Variants in NRXN1 observed in about 807,000 individuals in gnomAD.
NRXN1 encodes the protein neurexin-1.
A neutral mutation model predicts 150.9 loss-of-function variants in NRXN1; 39 were observed. That is an observed-to-expected ratio of 0.26 (90% CI 0.20 to 0.34). The LOEUF (loss-of-function observed/expected upper bound fraction) is 0.34, where lower values mean the gene tolerates loss of function less well. Among genes scored for constraint, NRXN1 ranks in the 10% least tolerant of loss-of-function variants. The probability of loss-of-function intolerance (pLI) is 1.00; values close to 1 mark genes in which losing one functional copy is unlikely to be tolerated. For missense variants in NRXN1, 1,815 were observed against 1,949.9 expected, an observed-to-expected ratio of 0.93 and a Z score of 1.30; for synonymous variants, 924 against 757.0, an observed-to-expected ratio of 1.22 and a Z score of -3.62.
chr2:50,737,167 C>A (rs1481800537), intron 5 of NRXN1, among the ~76,000 whole-genome samples: 2 of 151,754 alleles, frequency 1.3e-5, no homozygotes, highest in Non-Finnish European at 2.9e-5. Flanking sequence ...GCTGAGGCAG[C>A]CTGGACAACA....
At chr2:50,893,823 A>T (rs901744620) in intron 5 of NRXN1, among the ~76,000 whole-genome samples, 2 of 152,124 alleles carry the variant, frequency 1.3e-5, no homozygotes, top group Non-Finnish European at 2.9e-5. Flanking sequence ...TCATTGTTCA[A>T]TTTCCACCTA....
intron 17 of NRXN1, among the ~76,000 whole-genome samples, chr2:50,330,593 A>G (rs1460684386): frequency 2.6e-5 from 4 of 152,202 alleles, no homozygotes; most frequent in Non-Finnish European, 5.9e-5. Flanking sequence ...AGTATAAATT[A>G]AGCAAGGAAC....
At position 50,055,052 on chromosome 2, in the gene NRXN1, G is replaced by A; in HGVS notation, c.3719-8C>T. 1 of 1,571,942 alleles carries A rather than the reference G, an allele frequency of 6.4e-7. No individual in the cohort carries two copies. The highest frequency in any genetic ancestry group is 1.7e-4 in the Middle Eastern group (1 of 5,970). On this transcript the variant is annotated splice_region_variant and splice_polypyrimidine_tract_variant and intron_variant, in intron 19 of 22. Coordinates refer to ENST00000401669, the MANE Select transcript of NRXN1 (RefSeq NM_001330078.2). ...GCTCGTTATCATTGTTTCCTTTAAA[G>A]TTTAAAGAGACATTTCATTGGTTAA...
intron 5 of NRXN1, among the ~76,000 whole-genome samples, chr2:50,652,061 C>A (rs1685718343): frequency 6.6e-6 from 1 of 151,978 alleles, no homozygotes. Flanking sequence ...CAGCTTCTTC[C>A]CTGGTAAAAC....
At chr2:50,754,240 T>A (rs1162405584) in intron 5 of NRXN1, among the ~76,000 whole-genome samples, 1 of 151,904 alleles carries the variant, frequency 6.6e-6, no homozygotes, top group East Asian at 1.9e-4. Flanking sequence ...TTGATCTCAC[T>A]TATAAATGAT....
chr2:50,977,873 C>T (rs1696111847), intron 2 of NRXN1, among the ~76,000 whole-genome samples: 1 of 151,760 alleles, frequency 6.6e-6, no homozygotes, highest in Non-Finnish European at 1.5e-5. Flanking sequence ...AGAAATAGGG[C>T]ATTGCATCTA....
At chr2:50,679,958 C>T (rs765671796) in intron 5 of NRXN1, among the ~76,000 whole-genome samples, 10 of 151,904 alleles carry the variant, frequency 6.6e-5, no homozygotes, top group Non-Finnish European at 1.3e-4. Context: ...CATGGCAAAA[C>T]CTCGTCTCTA....
At chr2:50,908,346 T>C (rs376348848) in intron 5 of NRXN1, among the ~76,000 whole-genome samples, 21 of 127,988 alleles carry the variant, frequency 1.6e-4, no homozygotes, top group African/African-American at 5.1e-4. Context: ...CAAAAATACA[T>C]ACACACATTC....
intron 21 of NRXN1, among the ~76,000 whole-genome samples, chr2:50,029,395 A>G (rs368729766): frequency 1.3e-5 from 2 of 152,190 alleles, no homozygotes; most frequent in African/African-American, 4.8e-5. Flanking sequence ...AAATCCATAT[A>G]TATCAAAGCC....
At chr2:50,204,360 GT>G in intron 18 of NRXN1, among the ~76,000 whole-genome samples, 1 of 82,686 alleles carries the variant, frequency 1.2e-5, no homozygotes, top group East Asian at 5.4e-4. Context: ...GTGTGTGTGT[GT>G]GTGTGTGTGT....
intron 5 of NRXN1, among the ~76,000 whole-genome samples, chr2:50,641,626 C>T (rs1323436972): frequency 6.6e-6 from 1 of 151,958 alleles, no homozygotes; most frequent in Non-Finnish European, 1.5e-5. Flanking sequence ...CCTCTTGGTG[C>T]TGTGGGCAGC....
At chr2:50,401,464 C>T (rs1285363351) in intron 17 of NRXN1, among the ~76,000 whole-genome samples, 5 of 151,942 alleles carry the variant, frequency 3.3e-5, no homozygotes, top group Admixed American at 6.6e-5. Context: ...CTGGTGAGAG[C>T]GGGGAGGGAG....
intron 12 of NRXN1, among the ~76,000 whole-genome samples, chr2:50,508,295 A>G (rs13406839): frequency 0.32 from 49,091 of 152,028 alleles, 8,972 homozygotes; most frequent in Middle Eastern, 0.52. Context: ...ACATGAATTT[A>G]AAACTATTCT....
intron 18 of NRXN1, among the ~76,000 whole-genome samples, chr2:50,128,639 A>G (rs1481414787): frequency 6.6e-6 from 1 of 152,100 alleles, no homozygotes; most frequent in Non-Finnish European, 1.5e-5. Context: ...TACTCCAAGA[A>G]AATATAAATT....
At chr2:50,969,479 G>C (rs1366338324) in intron 2 of NRXN1, among the ~76,000 whole-genome samples, 3 of 152,076 alleles carry the variant, frequency 2.0e-5, no homozygotes, top group African/African-American at 7.2e-5. Context: ...TTTTATGATG[G>C]TAATTTATCA....
intron 16 of NRXN1, among the ~76,000 whole-genome samples, chr2:50,470,305 T>C (rs2089334831): frequency 6.6e-6 from 1 of 151,826 alleles, no homozygotes; most frequent in Non-Finnish European, 1.5e-5. Flanking sequence ...ATTTTGTCTC[T>C]CTTAATTAAA....
At chr2:50,458,328 T>C (rs558039112) in intron 17 of NRXN1, among the ~76,000 whole-genome samples, 5 of 152,188 alleles carry the variant, frequency 3.3e-5, no homozygotes, top group South Asian at 4.1e-4. Context: ...GGTTGATGTA[T>C]ACAAAGATAA....
At chr2:50,322,041 A>C (rs1244721711) in intron 17 of NRXN1, among the ~76,000 whole-genome samples, 1 of 151,892 alleles carries the variant, frequency 6.6e-6, no homozygotes, top group African/African-American at 2.4e-5. Context: ...CATCAAAAAA[A>C]AAAAAAAAAA....
chr2:50,508,118 T>C (rs890890825), intron 12 of NRXN1, among the ~76,000 whole-genome samples: 23 of 152,184 alleles, frequency 1.5e-4, no homozygotes, highest in Admixed American at 1.0e-3. Flanking sequence ...CACCAGCCTA[T>C]TGATTTCTCT....
Sources: gnomAD v4.1 joint callset for allele counts (sites outside exome capture counted in the v4.1 genomes callset) on GRCh38, gnomAD v4.1.1 for gene constraint, MANE v1.5 for transcripts, NCBI Gene and HGNC (gene_info 2026-07-23, HGNC 2026-07-21) for gene names.